LARP1B: variants seen among roughly 807,000 people sequenced by gnomAD.
The protein encoded by LARP1B is la-related protein 1B.
Under a neutral mutation model 114.2 loss-of-function variants are expected in LARP1B, and 76 were observed. The ratio of observed to expected loss-of-function variants is 0.67; its 90% confidence interval spans 0.55 to 0.81. The LOEUF is 0.81. LARP1B is among the 30% of genes least tolerant of loss of function. LARP1B has a pLI of 0.00. For synonymous variants in LARP1B, 345 were observed against 348.0 expected (o/e 0.99, Z 0.10); for missense variants, 1,014 against 1,075.8 (o/e 0.94, Z 0.80).
rs1300261428 is a variant in LARP1B, at chr4:128,200,465, G to A, written c.2165-56G>A. On this transcript the variant is annotated intron_variant, in intron 16 of 19. Coordinates refer to ENST00000326639, the MANE Select transcript of LARP1B (RefSeq NM_018078.4). ...CTTCATTTTATATATAACATCTGCT[G>A]TCTTGTCTTTAAAAAGTATGTTTAA... 1.3e-5 allele frequency: 14 copies of A among 1,111,042 alleles called. 1 individual carries two copies. Among genetic ancestry groups the A allele is most frequent in the Non-Finnish European group, 1.2e-6 (1 of 809,744 alleles). The allele number at this position is 1,111,042 out of a possible 1,614,324, so 68.8% of individuals were successfully genotyped here.
chr4:128,166,993 T>C (rs57492192), intron 12 of LARP1B, among the ~76,000 whole-genome samples: 56,838 of 138,182 alleles, frequency 0.41, 12,196 homozygotes, highest in African/African-American at 0.51. Flanking sequence ...TATATATATA[T>C]ACACACACAC....
chr4:128,066,232 A>G (rs1016324142), intron 1 of LARP1B, among the ~76,000 whole-genome samples: 1 of 133,446 alleles, frequency 7.5e-6, no homozygotes, highest in Non-Finnish European at 1.5e-5. Context: ...GCTGGAGTGC[A>G]GTGGTGCAAT....
chr4:128,161,255 G>A (rs1738343188), intron 11 of LARP1B, among the ~76,000 whole-genome samples: 1 of 152,176 alleles, frequency 6.6e-6, no homozygotes, highest in African/African-American at 2.4e-5. Context: ...AAGTTCACCT[G>A]TGGCCAAGTG....
intron 11 of LARP1B, among the ~76,000 whole-genome samples, chr4:128,125,254 C>T (rs1174975946): frequency 6.6e-6 from 1 of 152,094 alleles, no homozygotes; most frequent in African/African-American, 2.4e-5. Context: ...CTGTGGATTC[C>T]CATAGGATTC....
At position 128,176,874 on chromosome 4, in the gene LARP1B, G is replaced by A. The variant is rs1228016543; in HGVS notation, c.1651G>A (p.Gly551Ser). The change falls in exon 13 of 20, where the codon GGT becomes AGT. Residue 551 changes from glycine to serine, a missense_variant and splice_region_variant. By Grantham distance (56) the Gly-to-Ser change is moderately conservative. Coordinates refer to ENST00000326639, the MANE Select transcript of LARP1B (RefSeq NM_018078.4). ...PVAPSQSRQG[G>S]VQGVLHIPKK... ...GGACTAATTAACTCTCTTGGCAGGA[G>A]GTGTTCAAGGAGTGCTTCACATTCC... 5.6e-6 allele frequency: 9 copies of A among 1,613,846 alleles called. No homozygotes were observed. Among genetic ancestry groups the A allele is most frequent in the East Asian group, 2.2e-5 (1 of 44,870 alleles).
intron 11 of LARP1B, among the ~76,000 whole-genome samples, chr4:128,139,663 C>T (rs1727082191): frequency 6.6e-6 from 1 of 151,492 alleles, no homozygotes; most frequent in Non-Finnish European, 1.5e-5. Context: ...GTCACACACA[C>T]ACACACACAA....
At chr4:128,065,425 G>C (rs971396682) in intron 1 of LARP1B, among the ~76,000 whole-genome samples, 3 of 147,256 alleles carry the variant, frequency 2.0e-5, no homozygotes, top group African/African-American at 7.5e-5. Flanking sequence ...TCCCAGGCTG[G>C]TCTTGAACTG....
intron 11 of LARP1B, among the ~76,000 whole-genome samples, chr4:128,130,893 AAGACTG>A (rs1447175267): frequency 2.0e-5 from 3 of 152,220 alleles, no homozygotes; most frequent in Non-Finnish European, 2.9e-5. Context: ...GATTCATACA[AAGACTG>A]AGTTTATATT....
chr4:128,210,445 A>G lies in LARP1B; in HGVS notation c.*392A>G. On this transcript the variant is annotated 3_prime_UTR_variant, in exon 20 of 20. Transcript: ENST00000326639. ...AGCTCATACTTCTTAAAGAAGATAT[A>G]GTATGTTGTATTCTCTTCTTAGAGC... 2 of 1,019,954 alleles carry G rather than the reference A, an allele frequency of 2.0e-6. No individual in the cohort carries two copies. The highest frequency in any genetic ancestry group is 2.4e-6 in the Non-Finnish European group (2 of 848,082). 63.2% of individuals were successfully genotyped at this position (1,019,954 alleles called of 1,614,324 possible).
Position 128,176,958 on chromosome 4 carries a change from G to C in LARP1B, c.1684+51G>C, listed in dbSNP as rs369469901. Reference sequence around the variant, plus strand: ...GGAGGCTATGATATCCTTTGCATTGGGTATACAAAAGATGCAGGAAAGGGA... The same window carrying C: ...GGAGGCTATGATATCCTTTGCATTGCGTATACAAAAGATGCAGGAAAGGGA... On this transcript the variant is annotated intron_variant, in intron 13 of 19. Transcript: ENST00000326639. The C allele has an allele frequency of 2.6e-5, 39 of 1,505,054 alleles. No homozygotes were observed. In the African/African-American group the frequency reaches 3.7e-4, roughly 14 times the overall value. The allele number at this position is 1,505,054 out of a possible 1,614,324, so 93.2% of individuals were successfully genotyped here.
intron 11 of LARP1B, among the ~76,000 whole-genome samples, chr4:128,141,727 A>G (rs967622060): frequency 2.6e-5 from 4 of 152,326 alleles, no homozygotes; most frequent in Admixed American, 2.6e-4. Context: ...TGAGACCATC[A>G]GCAAGCACGT....
chr4:128,202,306 G>A (rs1175440108), intron 17 of LARP1B, among the ~76,000 whole-genome samples: 1 of 152,038 alleles, frequency 6.6e-6, no homozygotes, highest in Non-Finnish European at 1.5e-5. Context: ...CTACCTATTC[G>A]TCAATTGTAA....
chr4:128,115,892 C>G (rs938439105), intron 10 of LARP1B, among the ~76,000 whole-genome samples: 1 of 152,204 alleles, frequency 6.6e-6, no homozygotes, highest in Non-Finnish European at 1.5e-5. Context: ...CTCCTGTCCT[C>G]AAATAATTTG....
intron 11 of LARP1B, chr4:128,156,271 C>G: frequency 9.8e-7 from 1 of 1,021,482 alleles, no homozygotes; most frequent in Non-Finnish European, 1.5e-6. Context: ...CCCCACCAGT[C>G]CAGCTGGCCT....
At chr4:128,128,185 A>ATG (rs1790277558) in intron 11 of LARP1B, among the ~76,000 whole-genome samples, 1 of 152,200 alleles carries the variant, frequency 6.6e-6, no homozygotes, top group South Asian at 2.1e-4. Context: ...TTAGAATAAA[A>ATG]TGTGTAAAAT....
intron 15 of LARP1B, among the ~76,000 whole-genome samples, chr4:128,196,336 G>A (rs1351876905): frequency 1.3e-4 from 20 of 149,026 alleles, no homozygotes; most frequent in Admixed American, 9.3e-4. Flanking sequence ...TGCGCAACAC[G>A]GTGAGACCAC....
At chr4:128,081,005 TTTAAA>T (rs1579976404) in intron 4 of LARP1B, among the ~76,000 whole-genome samples, 1 of 152,106 alleles carries the variant, frequency 6.6e-6, no homozygotes, top group Non-Finnish European at 1.5e-5. Context: ...GCCTAAGAAT[TTTAAA>T]TTAAACAGAT....
intron 11 of LARP1B, among the ~76,000 whole-genome samples, chr4:128,129,396 TGTTCATATTATAGATAGGAA>T (rs1790835991): frequency 6.6e-6 from 1 of 151,546 alleles, no homozygotes. Flanking sequence ...AAACATTCCT[TGTTCATATTATAGATAGGAA>T]GACTCAATAA....
chr4:128,219,985 A>C (rs1467935021), intron 6 of LARP1B, among the ~76,000 whole-genome samples: 1 of 152,176 alleles, frequency 6.6e-6, no homozygotes, highest in Non-Finnish European at 1.5e-5. Context: ...TACCAGGTTC[A>C]AGCGATTCTC....
Sources: gnomAD v4.1 joint callset for allele counts (sites outside exome capture counted in the v4.1 genomes callset) on GRCh38, gnomAD v4.1.1 for gene constraint, MANE v1.5 for transcripts, NCBI Gene and HGNC (gene_info 2026-07-23, HGNC 2026-07-21) for gene names.